Variants in DIP2B observed in about 807,000 individuals in gnomAD.
DIP2B encodes the protein DIP2 acetate--CoA ligase B (putative).
Under a neutral mutation model 198.0 loss-of-function variants are expected in DIP2B, and 76 were observed. The observed-to-expected ratio is 0.38, with a 90% CI of 0.32 to 0.46. The LOEUF (loss-of-function observed/expected upper bound fraction) is 0.46. Ranked by LOEUF, DIP2B falls within the 20% of genes least tolerant of loss-of-function variation. The pLI is 0.99. For synonymous variants in DIP2B, 701 were observed against 739.1 expected (o/e 0.95, Z 0.84); for missense variants, 1,559 against 1,978.4 (o/e 0.79, Z 4.02).
At chr12:50,638,864 A>ATTT (rs10632181) in intron 2 of DIP2B, among the ~76,000 whole-genome samples, 13 of 147,598 alleles carry the variant, frequency 8.8e-5, no homozygotes, top group African/African-American at 3.2e-4. Context: ...AGTGTTTCAG[A>ATTT]TTTTTTTTTT....
chr12:50,600,940 T>TACCACCACC (rs1246327101), intron 1 of DIP2B, among the ~76,000 whole-genome samples: 1 of 47,116 alleles, frequency 2.1e-5, no homozygotes, highest in Non-Finnish European at 4.0e-5. Context: ...CCACCACCAC[T>TACCACCACC]ACCACCACCA....
intron 1 of DIP2B, among the ~76,000 whole-genome samples, chr12:50,597,661 G>T (rs1409344500): frequency 6.6e-6 from 1 of 152,176 alleles, no homozygotes; most frequent in Non-Finnish European, 1.5e-5. Context: ...GGTGGCTCAT[G>T]CACATTTCCT....
intron 37 of DIP2B, chr12:50,743,690 A>G (rs1465476000): frequency 6.6e-6 from 1 of 152,224 alleles, no homozygotes. Flanking sequence ...CTAAAAAACA[A>G]AAGAATATTT....
chr12:50,576,092 G>A (rs10747584), intron 1 of DIP2B, among the ~76,000 whole-genome samples: 40,479 of 145,944 alleles, frequency 0.28, 5,834 homozygotes, highest in East Asian at 0.4. Context: ...TTTTTGAGAC[G>A]GAGTTTTGCT....
chr12:50,663,833 G>C (rs981863541), intron 4 of DIP2B, among the ~76,000 whole-genome samples: 1 of 137,682 alleles, frequency 7.3e-6, no homozygotes, highest in Non-Finnish European at 1.5e-5. Flanking sequence ...TCAATCAACC[G>C]TACTCCAACC....
At chr12:50,726,783 G>A (rs1939944437) in intron 28 of DIP2B, among the ~76,000 whole-genome samples, 1 of 151,860 alleles carries the variant, frequency 6.6e-6, no homozygotes, top group African/African-American at 2.4e-5. Flanking sequence ...CTACAGGCCT[G>A]AGTCACTGCA....
chr12:50,707,232 G>A (rs984629184), intron 21 of DIP2B, among the ~76,000 whole-genome samples: 12 of 152,188 alleles, frequency 7.9e-5, no homozygotes, highest in African/African-American at 2.9e-4. Flanking sequence ...ATTTGCAATC[G>A]TAGATGTGTC....
chr12:50,604,224 G>A (rs1343276153), intron 1 of DIP2B, among the ~76,000 whole-genome samples: 4 of 143,098 alleles, frequency 2.8e-5, no homozygotes, highest in South Asian at 2.4e-4. Context: ...TCTTAAATAT[G>A]ATTGATTATA....
intron 1 of DIP2B, among the ~76,000 whole-genome samples, chr12:50,521,489 CTTT>C (rs35971707): frequency 1.0e-5 from 1 of 98,240 alleles, no homozygotes; most frequent in Non-Finnish European, 2.0e-5. Context: ...AGGTTTCTTT[CTTT>C]TTTTTTTTTT....
chr12:50,735,016 A>T, intron 33 of DIP2B, 57 bp from the exon 34 acceptor site: 1 of 1,601,926 alleles, frequency 6.2e-7, no homozygotes, highest in Non-Finnish European at 8.6e-7. Context: ...AGCTGCAGGA[A>T]CATGGCGACT....
At chr12:50,584,074 C>T (rs1279038793) in intron 1 of DIP2B, among the ~76,000 whole-genome samples, 1 of 152,182 alleles carries the variant, frequency 6.6e-6, no homozygotes, top group Non-Finnish European at 1.5e-5. Context: ...TCTTGGGCTT[C>T]ACTTCTCTTT....
At position 50,569,343 on chromosome 12, in the gene DIP2B, C is replaced by T. The variant is rs577060683; in HGVS notation, c.101-56633C>T. On this transcript the variant is annotated intron_variant, in intron 1 of 37. Coordinates refer to ENST00000301180, the MANE Select transcript of DIP2B (RefSeq NM_173602.3). ...TTATGGGGAGATTTGAGAGCATGCA[C>T]CTTTCTCTAGACCAAACATATCACT... Among the ~76,000 whole-genome samples the T allele has an allele frequency of 3.2e-4, 49 of 152,204 alleles. No homozygotes were observed. The South Asian group carries it at 1.0e-2, about 31-fold the overall frequency.
At chr12:50,742,412 A>AAAAAAAAAAC (rs1940264858) in intron 37 of DIP2B, among the ~76,000 whole-genome samples, 1 of 146,554 alleles carries the variant, frequency 6.8e-6, no homozygotes, top group Admixed American at 6.9e-5. Flanking sequence ...AAAAAAAAAA[A>AAAAAAAAAAC]AAAAAAAAAA....
chr12:50,659,081 C>T (rs2139510217), intron 3 of DIP2B, among the ~76,000 whole-genome samples: 1 of 152,060 alleles, frequency 6.6e-6, no homozygotes, highest in Admixed American at 6.5e-5. Flanking sequence ...AGCGACACTC[C>T]ATCTCAAAAA....
intron 4 of DIP2B, among the ~76,000 whole-genome samples, chr12:50,665,384 A>AT (rs1340394175): frequency 6.6e-6 from 1 of 152,214 alleles, no homozygotes; most frequent in Admixed American, 6.5e-5. Context: ...TCAAATAGCA[A>AT]TTAAGTGTCA....
At chr12:50,723,836 C>T (rs1358345558) in intron 27 of DIP2B, among the ~76,000 whole-genome samples, 1 of 152,166 alleles carries the variant, frequency 6.6e-6, no homozygotes, top group Non-Finnish European at 1.5e-5. Context: ...ATTTTAAATG[C>T]CAAACTGAAT....
At chr12:50,681,414 A>G (rs964206851) in intron 9 of DIP2B, among the ~76,000 whole-genome samples, 3 of 152,118 alleles carry the variant, frequency 2.0e-5, no homozygotes, top group Non-Finnish European at 4.4e-5. Flanking sequence ...TGTGTGGGCA[A>G]CAGAGTGAGA....
intron 33 of DIP2B, among the ~76,000 whole-genome samples, chr12:50,734,573 G>A (rs1275848869): frequency 2.0e-5 from 3 of 152,152 alleles, no homozygotes; most frequent in African/African-American, 7.2e-5. Context: ...TGAGCCCCAT[G>A]GGTAAAAGCC....
chr12:50,550,524 GA>G (rs2139385545), intron 1 of DIP2B, among the ~76,000 whole-genome samples: 1 of 152,250 alleles, frequency 6.6e-6, no homozygotes, highest in South Asian at 2.1e-4. Flanking sequence ...GAATGGTCTA[GA>G]TAACCTAACA....
Sources: gnomAD v4.1 joint callset for allele counts (sites outside exome capture counted in the v4.1 genomes callset) on GRCh38, gnomAD v4.1.1 for gene constraint, MANE v1.5 for transcripts, NCBI Gene and HGNC (gene_info 2026-07-23, HGNC 2026-07-21) for gene names.